The following PSG4 variants were observed in gnomAD, a reference collection of about 807,000 sequenced individuals.
PSG4 encodes pregnancy-specific beta-1-glycoprotein 4.
Under a neutral mutation model 44.3 loss-of-function variants are expected in PSG4, and 61 were observed. That is an observed-to-expected ratio of 1.38 (90% CI 1.12 to 1.70). The LOEUF (loss-of-function observed/expected upper bound fraction) is 1.70, where lower values mean the gene tolerates loss of function less well. PSG4 is among the 40% of genes most tolerant of loss of function. PSG4 has a pLI of 0.00. For missense variants in PSG4, 677 were observed against 511.7 expected, an observed-to-expected ratio of 1.32 and a Z score of -3.12; for synonymous variants, 248 against 191.3, an observed-to-expected ratio of 1.30 and a Z score of -2.45.
In PSG4 at chr19:43,199,496, C is replaced by T. The variant is rs1388097954; in HGVS notation, c.431-1221G>A. ...TAATTTTTTTATTTTGGAATATTTG[C>T]AGTACATGTACTGGTTTAGCATCCC... is the stretch of plus-strand genomic sequence containing the variant. On this transcript the variant is annotated intron_variant, in intron 2 of 5. Coordinates refer to ENST00000405312, the MANE Select transcript of PSG4 (RefSeq NM_002780.5). Among the ~76,000 whole-genome samples, 2 of 145,548 alleles carry T rather than the reference C, an allele frequency of 1.4e-5. 1 individual carries two copies. The highest frequency in any genetic ancestry group is 5.3e-5 in the African/African-American group (2 of 38,064).
chr19:43,203,735 C>T lies in PSG4; in HGVS notation c.430+151G>A, dbSNP rs1238811463. 3.9e-5 allele frequency: 53 copies of T among 1,353,548 alleles called. 2 individuals are homozygous for T. Among genetic ancestry groups the T allele is most frequent in the Non-Finnish European group, 5.1e-5 (51 of 1,004,194 alleles). The allele number at this position is 1,353,548 out of a possible 1,614,324, so 83.8% of individuals were successfully genotyped here. ...ATTCTGATCTGTTGAAATTTGTCTC[C>T]TCTGTGTGTCCTGCACTAAATGCCC... On this transcript the variant is annotated intron_variant, in intron 2 of 5. Coordinates refer to ENST00000405312, the MANE Select transcript of PSG4 (RefSeq NM_002780.5).
chr19:43,204,168 C>G lies in PSG4; in HGVS notation c.148G>C (p.Asp50His). 6.3e-7 allele frequency: 1 copy of G among 1,586,926 alleles called. No homozygotes were observed. Among genetic ancestry groups the G allele is most frequent in the East Asian group, 2.7e-5 (1 of 37,546 alleles). Residue 50 changes from aspartate (D) to histidine (H), a missense_variant, in exon 2 of 6, where the codon GAT (aspartate) becomes CAT (histidine). Asp to His is a moderately conservative substitution (Grantham distance 81). Coordinates refer to ENST00000405312, the MANE Select transcript of PSG4 (RefSeq NM_002780.5). ...AAATTGTGGACAAGTAGAAGAACAT[C>G]CTTCCCCTCAGAAACTTTGGGTGGC... ...AQPPKVSEGK[D>H]VLLLVHNLPQ...
chr19:43,195,091 G>A lies in PSG4; in HGVS notation c.892C>T (p.Pro298Ser), dbSNP rs1359132587. Residue 298 changes from proline to serine, a missense_variant, in exon 4 of 6, where the codon CCC becomes TCC. Transcript: ENST00000405312. Reference sequence around the variant, plus strand: ...CCTGTTTCATTTCTCGTGACATTGGGTAGAATGAGGATCCTGTTTTCAATG... The same window carrying A: ...CCTGTTTCATTTCTCGTGACATTGGATAGAATGAGGATCCTGTTTTCAATG... ...RPIENRILILPNVTRNETGPY... is the reference protein window; with the variant it reads ...RPIENRILILSNVTRNETGPY... 1.2e-6 allele frequency: 2 copies of A among 1,611,062 alleles called. No homozygotes were observed. Among genetic ancestry groups the A allele is most frequent in the Non-Finnish European group, 1.7e-6 (2 of 1,179,076 alleles).
Position 43,205,111 on chromosome 19 carries a change from C to CTTTTTTTTTTTTTT in PSG4, c.64+348_64+361dup, listed in dbSNP as rs59165427. Among the ~76,000 whole-genome samples the CTTTTTTTTTTTTTT allele has an allele frequency of 6.1e-3, 554 of 90,776 alleles. 64 individuals are homozygous for CTTTTTTTTTTTTTT. The highest frequency in any genetic ancestry group is 0.011 in the African/African-American group (223 of 19,402). The allele number at this position is 90,776 out of a possible 152,430, so 59.6% of individuals were successfully genotyped here. A position where few individuals can be genotyped will look rare whatever the true frequency, so the allele number is the denominator to read the frequency against. On this transcript the variant is annotated intron_variant, in intron 1 of 5. Coordinates refer to ENST00000405312, the MANE Select transcript of PSG4 (RefSeq NM_002780.5). ...TTCTTTTTTCTTTTTTTCCTTTTTTCTTTTTTTTTTTTTTGAGACGGAGTC... is the reference window on the plus strand; with the variant it reads ...TTCTTTTTTCTTTTTTTCCTTTTTTCTTTTTTTTTTTTTTTTTTTTTTTTTTTTGAGACGGAGTC...
intron 3 of PSG4, among the ~76,000 whole-genome samples, chr19:43,195,602 G>A (rs572947673): frequency 6.6e-6 from 1 of 151,376 alleles, no homozygotes; most frequent in South Asian, 2.1e-4. Flanking sequence ...GCTCACCTTG[G>A]GTTCCTTACC....
chr19:43,194,294 G>T (rs188371759), intron 5 of PSG4, 46 bp downstream of exon 5: 1 of 1,611,486 alleles, frequency 6.2e-7, no homozygotes, highest in Non-Finnish European at 8.5e-7. Flanking sequence ...ATGCCAGATA[G>T]ACTCCACCTA....
intron 2 of PSG4, among the ~76,000 whole-genome samples, chr19:43,201,072 G>C (rs1967489000): frequency 4.1e-5 from 6 of 145,766 alleles, no homozygotes; most frequent in South Asian, 2.2e-4. Context: ...CTGCAGGCCT[G>C]TCCAGCCTCT....
At position 43,205,522 on chromosome 19, in the gene PSG4, T is replaced by C; in HGVS notation, c.15A>G (p.Ser5=). The C allele has an allele frequency of 3.2e-6, 5 of 1,555,858 alleles. No individual in the cohort carries two copies. Among genetic ancestry groups the C allele is most frequent in the Non-Finnish European group, 4.3e-6 (5 of 1,150,570 alleles). The part of the protein sequence containing the change: MGPL[S]APPCTQRITW... ...TGATGCGCTGTGTGCAGGGAGGGGCTGAGAGGGGCCCCATGGTCTCTGCTG... is the reference window on the plus strand; with the variant it reads ...TGATGCGCTGTGTGCAGGGAGGGGCCGAGAGGGGCCCCATGGTCTCTGCTG... The change falls in exon 1 of 6, where the codon TCA becomes TCG. Residue 5 remains serine, a synonymous_variant. Coordinates refer to ENST00000405312, the MANE Select transcript of PSG4 (RefSeq NM_002780.5).
intron 1 of PSG4, among the ~76,000 whole-genome samples, chr19:43,205,111 C>CTTTTTTTCTTTT (rs1967717665): frequency 7.7e-5 from 7 of 90,852 alleles, no homozygotes; most frequent in Non-Finnish European, 7.8e-5. Context: ...TTCCTTTTTT[C>CTTTTTTTCTTTT]TTTTTTTTTT....
At chr19:43,205,367 A>T (rs1407155879) in intron 1 of PSG4, 106 bp downstream of exon 1, 36 of 1,323,274 alleles carry the variant, frequency 2.7e-5, no homozygotes, top group Admixed American at 1.8e-4. Context: ...TCAGCCTCCC[A>T]AAGTGCTGGC....
chr19:43,194,402 CA>C lies in PSG4; in HGVS notation c.1180del (p.Cys394AlafsTer30), dbSNP rs780532012. The C allele has an allele frequency of 6.2e-7, 1 of 1,612,414 alleles. No homozygotes were observed. The highest frequency in any genetic ancestry group is 8.5e-7 in the Non-Finnish European group (1 of 1,179,106). ...ITTKHSGLYA[C>X]SVRNSATGKE... ...GCCAGTGGCTGAGTTACGAACAGAG[CA>C]AGCATAGAGCCCACTATGCTTTGTA... is the stretch of plus-strand genomic sequence containing the variant. On this transcript the variant is annotated frameshift_variant, in exon 5 of 6. Transcript: ENST00000405312. LOFTEE classifies it high-confidence loss of function.
intron 4 of PSG4, 53 bp downstream of exon 4, chr19:43,194,942 T>A: frequency 6.3e-7 from 1 of 1,595,832 alleles, no homozygotes; most frequent in East Asian, 2.2e-5. Flanking sequence ...TGGCCTCTGG[T>A]GGTTTGGATT....
intron 3 of PSG4, among the ~76,000 whole-genome samples, chr19:43,195,853 C>T (rs1187548554): frequency 6.7e-6 from 1 of 150,012 alleles, no homozygotes; most frequent in Non-Finnish European, 1.5e-5. Context: ...CCAGTGGAGG[C>T]AGAAAGTGGG....
At chr19:43,193,912 C>T in intron 5 of PSG4, 2 of 712,966 alleles carry the variant, frequency 2.8e-6, no homozygotes, top group Non-Finnish European at 5.1e-6. Context: ...AATTCTGGGG[C>T]AGTCAGGTAG....
At chr19:43,203,513 G>A in intron 2 of PSG4, 3 of 224,294 alleles carry the variant, frequency 1.3e-5, no homozygotes, top group Middle Eastern at 1.6e-3. Context: ...GAGGCTTCTA[G>A]GGCTGAGCTG....
chr19:43,195,037 A>G lies in PSG4; in HGVS notation c.946T>C (p.Tyr316His). ...GPYQCEIRDR[Y>H]GGIRSDPVTL... ...ACTGGGTCACTGCGGATGCCACCAT[A>G]TCGGTCCCGTATTTCACATTGATAA... Residue 316 changes from tyrosine (Y) to histidine (H), a missense_variant, in exon 4 of 6, where the codon TAT becomes CAT. Tyr to His is a moderately conservative substitution (Grantham distance 83, BLOSUM62 2). Coordinates refer to ENST00000405312, the MANE Select transcript of PSG4 (RefSeq NM_002780.5). 6.2e-7 allele frequency: 1 copy of G among 1,611,946 alleles called. No homozygotes were observed. Among genetic ancestry groups the G allele is most frequent in the Non-Finnish European group, 8.5e-7 (1 of 1,179,032 alleles).
chr19:43,198,047 C>T lies in PSG4; in HGVS notation c.659G>A (p.Arg220Gln), dbSNP rs145753670. The change falls in exon 3 of 6, where the codon CGG becomes CAG. Residue 220 changes from arginine (R) to glutamine (Q), a missense_variant. Coordinates refer to ENST00000405312, the MANE Select transcript of PSG4 (RefSeq NM_002780.5). ...YIAGPYECEIRNPVSASRSDP... is the reference protein window; with the variant it reads ...YIAGPYECEIQNPVSASRSDP... ...ACTGCGGCTGGCACTCACTGGGTTC[C>T]GTATTTCACATTCATAGGGTCCTGC... 36 of 1,587,596 alleles carry T rather than the reference C, an allele frequency of 2.3e-5. 6 individuals carry two copies. In the African/African-American group the frequency reaches 3.5e-4, roughly 15 times the overall value.
intron 3 of PSG4, among the ~76,000 whole-genome samples, chr19:43,196,177 A>G (rs1185904255): frequency 1.3e-5 from 2 of 151,692 alleles, no homozygotes; most frequent in Non-Finnish European, 2.9e-5. Context: ...GATATGAGAC[A>G]AATTTGGAGA....
intron 2 of PSG4, chr19:43,198,626 G>A (rs1165206359): frequency 3.9e-6 from 1 of 256,158 alleles, no homozygotes; most frequent in Non-Finnish European, 7.0e-6. Flanking sequence ...AGCATGCAGT[G>A]CTGGAATCTT....
Sources: allele counts gnomAD v4.1 joint callset (sites outside exome capture counted in the v4.1 genomes callset), GRCh38; gene constraint gnomAD v4.1.1; transcripts MANE v1.5; gene names NCBI Gene and HGNC (gene_info 2026-07-23, HGNC 2026-07-21).